Variants in ALK observed in about 807,000 individuals in gnomAD.
The protein encoded by ALK is ALK receptor tyrosine kinase.
ALK carries 74 observed loss-of-function variants against 163.1 expected under a neutral mutation model. The observed-to-expected ratio is 0.45, with a 90% CI of 0.38 to 0.55. The LOEUF is 0.55. ALK is among the 20% of genes least tolerant of loss of function. ALK has a pLI of 0.00. For synonymous variants in ALK, 960 were observed against 843.2 expected, an observed-to-expected ratio of 1.14 and a Z score of -2.40; for missense variants, 2,063 against 2,105.3, an observed-to-expected ratio of 0.98 and a Z score of 0.39.
chr2:29,904,423 TCTAA>T (rs1291887726), intron 1 of ALK, among the ~76,000 whole-genome samples: 3 of 152,080 alleles, frequency 2.0e-5, no homozygotes, highest in African/African-American at 7.2e-5. Flanking sequence ...CAAGATAAAC[TCTAA>T]CTGTGAGAAT....
chr2:29,838,457 A>T (rs1389938446), intron 1 of ALK, among the ~76,000 whole-genome samples: 1 of 152,178 alleles, frequency 6.6e-6, no homozygotes, highest in East Asian at 1.9e-4. Context: ...ATAGAAAGAT[A>T]AAAGATTTGT....
Position 29,331,205 on chromosome 2 carries a change from C to T in ALK, c.1283-2724G>A, listed in dbSNP as rs145454054. On this transcript the variant is annotated intron_variant, in intron 5 of 28. Coordinates refer to ENST00000389048, the MANE Select transcript of ALK (RefSeq NM_004304.5). ...ACAGAAGGAAAAACACCACTCCATT[C>T]GTTCCTGGGCCTCAAGATAGCCTAA... 4.8e-3 allele frequency among the ~76,000 whole-genome samples: 724 copies of T among 152,304 alleles called. 6 individuals carry two copies. The highest frequency in any genetic ancestry group is 0.015 in the African/African-American group (632 of 41,566).
chr2:29,526,398 G>A (rs1672961191), intron 4 of ALK, among the ~76,000 whole-genome samples: 1 of 152,182 alleles, frequency 6.6e-6, no homozygotes. Context: ...GTAACAAGGT[G>A]TCTGAGAAAT....
intron 3 of ALK, among the ~76,000 whole-genome samples, chr2:29,650,773 C>T (rs1274453405): frequency 6.6e-6 from 1 of 152,026 alleles, no homozygotes; most frequent in Non-Finnish European, 1.5e-5. Context: ...GATGATTCAA[C>T]CAAAGGGAAA....
At chr2:29,588,422 G>T (rs1052191734) in intron 3 of ALK, among the ~76,000 whole-genome samples, 1 of 151,954 alleles carries the variant, frequency 6.6e-6, no homozygotes, top group Non-Finnish European at 1.5e-5. Flanking sequence ...GTAGAGATGG[G>T]GTTTTGCCAT....
At chr2:29,449,456 CACTAGGAGACTT>C (rs910489291) in intron 4 of ALK, among the ~76,000 whole-genome samples, 5 of 152,170 alleles carry the variant, frequency 3.3e-5, no homozygotes, top group African/African-American at 4.8e-5. Context: ...GCAAATTCAT[CACTAGGAGACTT>C]GCATGTTGGT....
intron 13 of ALK, among the ~76,000 whole-genome samples, chr2:29,234,326 T>C (rs956763419): frequency 3.3e-5 from 5 of 152,136 alleles, no homozygotes; most frequent in Non-Finnish European, 7.4e-5. Flanking sequence ...AGGAGTGGAC[T>C]TCATTCTCTA....
intron 6 of ALK, among the ~76,000 whole-genome samples, chr2:29,326,062 C>T (rs1667249718): frequency 6.6e-6 from 1 of 152,216 alleles, no homozygotes. Flanking sequence ...CAACTGCTTT[C>T]TGTAGCCAAG....
intron 4 of ALK, among the ~76,000 whole-genome samples, chr2:29,516,085 C>T (rs183885422): frequency 1.5e-3 from 228 of 152,282 alleles, no homozygotes; most frequent in Admixed American, 2.5e-3. Flanking sequence ...AGAGTGAGCT[C>T]CTGCAGGGCA....
At position 29,214,878 on chromosome 2, in the gene ALK, G is replaced by A. The variant is rs113508483; in HGVS notation, c.3646-797C>T. Among the ~76,000 whole-genome samples, 1,199 of 152,284 alleles carry A rather than the reference G, an allele frequency of 7.9e-3. 14 individuals are homozygous for A. The highest frequency in any genetic ancestry group is 0.027 in the African/African-American group (1,111 of 41,552). The stretch of plus-strand genomic sequence containing the variant: ...TGATTTCACCATTTCCCCAAGTCAC[G>A]GTGATGAAGTTCCAGAGACAGGGAT... On this transcript the variant is annotated intron_variant, in intron 23 of 28. Coordinates refer to ENST00000389048, the MANE Select transcript of ALK (RefSeq NM_004304.5).
chr2:29,789,494 T>C (rs1281410321), intron 1 of ALK, among the ~76,000 whole-genome samples: 1 of 152,236 alleles, frequency 6.6e-6, no homozygotes, highest in Non-Finnish European at 1.5e-5. Context: ...GCCACAGCTT[T>C]ACAATGTGCC....
At chr2:29,310,344 T>A (rs1276714697) in intron 8 of ALK, among the ~76,000 whole-genome samples, 1 of 152,196 alleles carries the variant, frequency 6.6e-6, no homozygotes, top group Non-Finnish European at 1.5e-5. Context: ...CTTAGCATAG[T>A]GCCAGCCTTA....
intron 1 of ALK, among the ~76,000 whole-genome samples, chr2:29,802,235 T>C (rs1439996862): frequency 1.3e-5 from 2 of 150,266 alleles, no homozygotes; most frequent in African/African-American, 4.9e-5. Context: ...TAGAGGTTGA[T>C]TGCACTGGGC....
intron 1 of ALK, among the ~76,000 whole-genome samples, chr2:29,795,663 T>C (rs1244951239): frequency 1.3e-5 from 2 of 152,128 alleles, no homozygotes; most frequent in East Asian, 1.9e-4. Context: ...CCAACAAAGA[T>C]GACTAAGACT....
intron 4 of ALK, among the ~76,000 whole-genome samples, chr2:29,412,549 G>A (rs1162716297): frequency 6.6e-6 from 1 of 152,122 alleles, no homozygotes; most frequent in Non-Finnish European, 1.5e-5. Flanking sequence ...AGAATAGGGA[G>A]GTTTCAACCA....
chr2:29,325,778 A>G (rs1465976253), intron 6 of ALK, among the ~76,000 whole-genome samples: 2 of 152,238 alleles, frequency 1.3e-5, no homozygotes, highest in African/African-American at 2.4e-5. Context: ...GTACAATAGC[A>G]TCACACAGGA....
intron 1 of ALK, among the ~76,000 whole-genome samples, chr2:29,894,288 A>G (rs1667216293): frequency 6.6e-6 from 1 of 152,130 alleles, no homozygotes; most frequent in African/African-American, 2.4e-5. Flanking sequence ...GGGAGGCAAC[A>G]TAGCATGGGG....
intron 1 of ALK, among the ~76,000 whole-genome samples, chr2:29,843,027 G>A (rs912155985): frequency 6.6e-6 from 1 of 152,200 alleles, no homozygotes; most frequent in Admixed American, 6.5e-5. Flanking sequence ...TCTCCCCACT[G>A]TATGAAGTCC....
At chr2:29,649,799 C>G (rs1676989766) in intron 3 of ALK, among the ~76,000 whole-genome samples, 1 of 152,120 alleles carries the variant, frequency 6.6e-6, no homozygotes, top group African/African-American at 2.4e-5. Flanking sequence ...TCTATTCTCT[C>G]CTTCAGTTGA....
Sources: allele counts gnomAD v4.1 joint callset (sites outside exome capture counted in the v4.1 genomes callset), GRCh38; gene constraint gnomAD v4.1.1; transcripts MANE v1.5; gene names NCBI Gene and HGNC (gene_info 2026-07-23, HGNC 2026-07-21).